REDIC1: variants seen among roughly 807,000 people sequenced by gnomAD.
The protein encoded by REDIC1 is HEI10 Interacting Protein 1.
the REDIC1 span, among the ~76,000 whole-genome samples, chr12:39,850,844 T>C: frequency 6.6e-6 from 1 of 152,196 alleles, no homozygotes; most frequent in African/African-American, 2.4e-5. Context: ...TGTATCCATT[T>C]TACAATGATA....
chr12:39,851,456 C>G, the REDIC1 span, among the ~76,000 whole-genome samples: 4 of 152,096 alleles, frequency 2.6e-5, no homozygotes, highest in Non-Finnish European at 5.9e-5. Context: ...TAAAAATGAG[C>G]AGTGCACTTT....
the REDIC1 span, among the ~76,000 whole-genome samples, chr12:39,887,221 A>G: frequency 6.6e-6 from 1 of 152,264 alleles, no homozygotes; most frequent in Non-Finnish European, 1.5e-5. Flanking sequence ...TTGCTGCTAA[A>G]TAAGTTGTCA....
the REDIC1 span, among the ~76,000 whole-genome samples, chr12:39,810,150 T>G: frequency 6.6e-6 from 1 of 152,168 alleles, no homozygotes; most frequent in Non-Finnish European, 1.5e-5. Context: ...AACCGACATC[T>G]TAACCATATT....
chr12:39,785,996 C>T, the REDIC1 span, among the ~76,000 whole-genome samples: 1 of 152,124 alleles, frequency 6.6e-6, no homozygotes, highest in Non-Finnish European at 1.5e-5. Flanking sequence ...GGACTTGCCT[C>T]GTCTCAGATG....
At chr12:39,748,249 AT>A in the REDIC1 span, among the ~76,000 whole-genome samples, 4 of 152,160 alleles carry the variant, frequency 2.6e-5, no homozygotes, top group Admixed American at 2.6e-4. Flanking sequence ...CAAATGGAAA[AT>A]AAAAAAAGGC....
chr12:39,891,595 G>A, the REDIC1 span, among the ~76,000 whole-genome samples: 3 of 152,138 alleles, frequency 2.0e-5, no homozygotes, highest in South Asian at 2.1e-4. Flanking sequence ...ATTAAGGCAG[G>A]AACTTGGAAA....
At chr12:39,836,436 G>A in the REDIC1 span, among the ~76,000 whole-genome samples, 2 of 152,072 alleles carry the variant, frequency 1.3e-5, no homozygotes, top group African/African-American at 2.4e-5. Context: ...CATAAGACAG[G>A]GATGCCCTCT....
At chr12:39,692,067 G>A in the REDIC1 span, 1 of 1,578,362 alleles carries the variant, frequency 6.3e-7, no homozygotes, top group Non-Finnish European at 8.6e-7. Flanking sequence ...GGAAGAAGGA[G>A]GAATATATTC....
At chr12:39,741,372 C>T in the REDIC1 span, among the ~76,000 whole-genome samples, 2 of 152,116 alleles carry the variant, frequency 1.3e-5, no homozygotes, top group Non-Finnish European at 2.9e-5. Flanking sequence ...TTCAACCAAC[C>T]TGAGCATCAT....
chr12:39,628,327 C>T, the REDIC1 span, among the ~76,000 whole-genome samples: 2 of 152,006 alleles, frequency 1.3e-5, no homozygotes, highest in Non-Finnish European at 2.9e-5. Flanking sequence ...TTTCTATTTT[C>T]AGAACAGGCA....
At chr12:39,782,781 A>C in the REDIC1 span, among the ~76,000 whole-genome samples, 1 of 152,222 alleles carries the variant, frequency 6.6e-6, no homozygotes, top group Non-Finnish European at 1.5e-5. Context: ...ACAGATAGTG[A>C]TATGAACAAT....
chr12:39,763,671 C>T, the REDIC1 span, among the ~76,000 whole-genome samples: 6 of 152,216 alleles, frequency 3.9e-5, no homozygotes, highest in South Asian at 1.2e-3. Context: ...GTCTAAGCAG[C>T]AGGCATTCCG....
chr12:39,673,569 C>G, the REDIC1 span, among the ~76,000 whole-genome samples: 3 of 152,152 alleles, frequency 2.0e-5, no homozygotes, highest in Non-Finnish European at 4.4e-5. Context: ...TGATTCTATT[C>G]CAGCTTTACC....
the REDIC1 span, among the ~76,000 whole-genome samples, chr12:39,694,313 C>T: frequency 6.6e-6 from 1 of 152,144 alleles, no homozygotes; most frequent in Non-Finnish European, 1.5e-5. Context: ...CTGGTTTTAA[C>T]TTTATATCAC....
At chr12:39,669,741 C>T in the REDIC1 span, among the ~76,000 whole-genome samples, 1 of 152,218 alleles carries the variant, frequency 6.6e-6, no homozygotes, top group Non-Finnish European at 1.5e-5. Flanking sequence ...CCTACTTAAG[C>T]CTCCGCCGTG....
the REDIC1 span, among the ~76,000 whole-genome samples, chr12:39,651,645 C>G: frequency 2.6e-5 from 4 of 152,014 alleles, no homozygotes; most frequent in African/African-American, 9.7e-5. Flanking sequence ...GGGTTCCATC[C>G]CAGTCTATGA....
the REDIC1 span, among the ~76,000 whole-genome samples, chr12:39,719,138 G>A: frequency 1.3e-5 from 2 of 152,088 alleles, no homozygotes; most frequent in Admixed American, 6.6e-5. Flanking sequence ...TCATGCAAAT[G>A]AGGCCTTAGA....
chr12:39,713,305 CATACGTGTATATATGTGTATACACATAT>C, the REDIC1 span, among the ~76,000 whole-genome samples: 1 of 18,702 alleles, frequency 5.3e-5, no homozygotes. Context: ...TGTACACACA[CATACGTGTATATATGTGTATACACATAT>C]ACGTGTATAT....
chr12:39,640,943 T>C, the REDIC1 span: 2 of 1,606,848 alleles, frequency 1.2e-6, no homozygotes, highest in East Asian at 4.5e-5. Flanking sequence ...TTTATTCTGC[T>C]GCTTTTTTCA....
Sources: gnomAD v4.1 joint callset for allele counts (sites outside exome capture counted in the v4.1 genomes callset) on GRCh38, gnomAD v4.1.1 for gene constraint, MANE v1.5 for transcripts, NCBI Gene and HGNC (gene_info 2026-07-23, HGNC 2026-07-21) for gene names.